Variants in DLG2 observed in about 807,000 individuals in gnomAD.
The protein encoded by DLG2 is discs large MAGUK scaffold protein 2.
In DLG2, 45 loss-of-function variants were observed where a neutral mutation model predicts 132.5. The ratio of observed to expected loss-of-function variants is 0.34; its 90% CI spans 0.27 to 0.44. The LOEUF is 0.44. DLG2 is among the 20% of genes least tolerant of loss of function. The pLI, the probability that DLG2 is intolerant of heterozygous loss-of-function variation, is 1.00. For missense variants in DLG2, 1,045 were observed against 1,196.9 expected (o/e 0.87, Z 1.87); for synonymous variants, 424 against 419.6 (o/e 1.01, Z -0.13).
At chr11:85,137,553 G>T (rs2076208278) in intron 5 of DLG2, among the ~76,000 whole-genome samples, 2 of 152,064 alleles carry the variant, frequency 1.3e-5, no homozygotes, top group Admixed American at 1.3e-4. Flanking sequence ...GCCAAAGGTA[G>T]CCTGGACTCC....
chr11:85,330,585 C>A (rs1214059005), intron 3 of DLG2, among the ~76,000 whole-genome samples: 1 of 104,622 alleles, frequency 9.6e-6, no homozygotes, highest in Admixed American at 1.0e-4. Context: ...AATGAGATCA[C>A]TTGGACACAG....
intron 15 of DLG2, among the ~76,000 whole-genome samples, chr11:83,911,396 A>G (rs1314504454): frequency 6.6e-6 from 1 of 152,136 alleles, no homozygotes; most frequent in Non-Finnish European, 1.5e-5. Context: ...CAAAACTAAC[A>G]GGCTAAACTT....
chr11:83,704,364 A>G (rs1017171672), intron 18 of DLG2, among the ~76,000 whole-genome samples: 2 of 152,196 alleles, frequency 1.3e-5, no homozygotes, highest in East Asian at 1.9e-4. Context: ...AAAATGAGAC[A>G]AAAACAGAAA....
At chr11:83,656,264 T>A (rs1285600574) in intron 18 of DLG2, among the ~76,000 whole-genome samples, 1 of 152,178 alleles carries the variant, frequency 6.6e-6, no homozygotes, top group Non-Finnish European at 1.5e-5. Context: ...TCTGCTTAAA[T>A]GAAAGTGACT....
intron 7 of DLG2, chr11:84,273,207 C>T: frequency 6.3e-7 from 1 of 1,575,276 alleles, no homozygotes; most frequent in Non-Finnish European, 8.6e-7. Context: ...GCAATAGTAT[C>T]CCACAAAAGC....
intron 5 of DLG2, among the ~76,000 whole-genome samples, chr11:85,150,573 C>T (rs925542780): frequency 3.2e-4 from 49 of 152,066 alleles, no homozygotes; most frequent in African/African-American, 1.2e-3. Context: ...ACTTTAGATA[C>T]TTCATAGGAG....
chr11:85,174,696 TAATAA>T (rs922688739), intron 4 of DLG2, among the ~76,000 whole-genome samples: 2 of 151,910 alleles, frequency 1.3e-5, no homozygotes, highest in African/African-American at 4.8e-5. Context: ...TTGAAACTAT[TAATAA>T]AATAGATAGA....
At chr11:84,145,370 C>T (rs2095039396) in intron 9 of DLG2, among the ~76,000 whole-genome samples, 1 of 152,150 alleles carries the variant, frequency 6.6e-6, no homozygotes, top group African/African-American at 2.4e-5. Flanking sequence ...GACCATTGCT[C>T]TTAGGATACA....
At chr11:85,209,318 G>T (rs1391528308) in intron 4 of DLG2, among the ~76,000 whole-genome samples, 3 of 151,744 alleles carry the variant, frequency 2.0e-5, no homozygotes, top group Non-Finnish European at 4.4e-5. Flanking sequence ...ACCTGCCCCA[G>T]TATAGATTCT....
intron 7 of DLG2, among the ~76,000 whole-genome samples, chr11:84,360,719 C>T (rs1486305890): frequency 1.3e-5 from 2 of 151,714 alleles, no homozygotes; most frequent in African/African-American, 4.8e-5. Flanking sequence ...CATGAACAGA[C>T]AGAGAGTCAG....
At chr11:84,991,508 C>CA (rs760113916) in intron 6 of DLG2, among the ~76,000 whole-genome samples, 210 of 108,600 alleles carry the variant, frequency 1.9e-3, no homozygotes, top group South Asian at 8.1e-3. Context: ...GACACCTTCT[C>CA]AAAAAAAAAA....
intron 16 of DLG2, among the ~76,000 whole-genome samples, chr11:83,872,318 G>C (rs1489108384): frequency 6.6e-6 from 1 of 152,174 alleles, no homozygotes; most frequent in Non-Finnish European, 1.5e-5. Context: ...GGAAACCCAT[G>C]CTTAGAGAGG....
chr11:84,996,495 G>A (rs1210733916), intron 6 of DLG2, among the ~76,000 whole-genome samples: 2 of 152,100 alleles, frequency 1.3e-5, no homozygotes, highest in African/African-American at 2.4e-5. Flanking sequence ...ATTAAGATCT[G>A]TCTACTATTT....
chr11:85,524,374 CTAATATGT>C (rs1395353605), intron 3 of DLG2, among the ~76,000 whole-genome samples: 4 of 151,318 alleles, frequency 2.6e-5, no homozygotes, highest in African/African-American at 9.7e-5. Context: ...ACATATACAT[CTAATATGT>C]ACCCACAAAA....
chr11:83,947,445 G>A (rs2084321221), intron 14 of DLG2, among the ~76,000 whole-genome samples: 1 of 152,126 alleles, frequency 6.6e-6, no homozygotes, highest in Non-Finnish European at 1.5e-5. Flanking sequence ...TACAAGTGTA[G>A]TGTAAATGTA....
chr11:85,460,728 T>G (rs1241200761), intron 3 of DLG2, among the ~76,000 whole-genome samples: 2 of 152,240 alleles, frequency 1.3e-5, no homozygotes, highest in Non-Finnish European at 2.9e-5. Context: ...TTTAGTCCAA[T>G]TTCTTCACAG....
chr11:83,471,663 T>C lies in DLG2; in HGVS notation c.2409A>G (p.Ile803Met). 1 of 1,613,274 alleles carries C rather than the reference T, an allele frequency of 6.2e-7. No homozygotes were observed. The highest frequency in any genetic ancestry group is 8.5e-7 in the Non-Finnish European group (1 of 1,179,464). ...AGCCAAATTTATCAGGGAATTCAGA[T>C]ATCAAGTCGTCATTGATCCGATCCT... ...PMKDRINDDLISEFPDKFGSC... is the reference protein window; with the variant it reads ...PMKDRINDDLMSEFPDKFGSC... Residue 803 changes from isoleucine to methionine, a missense_variant, in exon 24 of 28, where the codon ATA becomes ATG. This residue lies in a region of DLG2 where 398 missense variants were observed against 543.6 expected (regional missense o/e 0.73). Transcript: ENST00000376104.
chr11:84,902,251 T>C (rs143775458), intron 6 of DLG2, among the ~76,000 whole-genome samples: 1 of 152,134 alleles, frequency 6.6e-6, no homozygotes, highest in Non-Finnish European at 1.5e-5. Context: ...TGGCTACAGT[T>C]GGAACCTGCA....
chr11:84,141,597 A>T (rs1027530380), intron 9 of DLG2, among the ~76,000 whole-genome samples: 15 of 152,154 alleles, frequency 9.9e-5, no homozygotes, highest in African/African-American at 3.1e-4. Flanking sequence ...AGGGCCTTAA[A>T]CTTTTGGACT....
Sources: gnomAD v4.1 joint callset for allele counts (sites outside exome capture counted in the v4.1 genomes callset) on GRCh38, gnomAD v4.1.1 for gene constraint, gnomAD v4.1.1 regional missense constraint, MANE v1.5 for transcripts, NCBI Gene and HGNC (gene_info 2026-07-23, HGNC 2026-07-21) for gene names.